LRMDA: variants seen among roughly 807,000 people sequenced by gnomAD.
The protein encoded by LRMDA is leucine-rich melanocyte differentiation-associated protein.
Under a neutral mutation model 29.8 loss-of-function variants are expected in LRMDA, and 18 were observed. The ratio of observed to expected loss-of-function variants is 0.60; its 90% CI spans 0.42 to 0.90. The LOEUF is 0.90. Among genes scored for constraint, LRMDA ranks in the 40% least tolerant of loss-of-function variants. The pLI is 0.00. For synonymous variants in LRMDA, 125 were observed against 109.4 expected, an observed-to-expected ratio of 1.14 and a Z score of -0.89; for missense variants, 273 against 273.9, an observed-to-expected ratio of 1.00 and a Z score of 0.02.
chr10:76,211,001 A>C (rs1210097264), intron 5 of LRMDA, among the ~76,000 whole-genome samples: 1 of 152,220 alleles, frequency 6.6e-6, no homozygotes, highest in Non-Finnish European at 1.5e-5. Context: ...ACCCACTCAC[A>C]GACAGTCTCC....
At chr10:75,500,764 C>T (rs1373567134) in intron 2 of LRMDA, among the ~76,000 whole-genome samples, 1 of 152,100 alleles carries the variant, frequency 6.6e-6, no homozygotes, top group East Asian at 1.9e-4. Context: ...ATAAAACTGT[C>T]AGATCTTGTG....
chr10:76,061,242 GC>G (rs1415324613), intron 5 of LRMDA, among the ~76,000 whole-genome samples: 11 of 152,250 alleles, frequency 7.2e-5, no homozygotes, highest in African/African-American at 2.4e-4. Context: ...GGAGCTGGAG[GC>G]CATTATTCTT....
At chr10:75,770,322 T>C (rs1213330591) in intron 2 of LRMDA, among the ~76,000 whole-genome samples, 1 of 152,132 alleles carries the variant, frequency 6.6e-6, no homozygotes, top group African/African-American at 2.4e-5. Flanking sequence ...AACTTACAGT[T>C]GAAAAAGTTT....
Position 75,809,887 on chromosome 10 carries a change from A to C in LRMDA, c.132-226121A>C, listed in dbSNP as rs140777258. On this transcript the variant is annotated intron_variant, in intron 2 of 6. Transcript: ENST00000611255. ...AGTCCAATGCTAAATGAAAATGCAG[A>C]GGTCCTTGTTTAAAAGTTATTGAGA... 5.8e-3 allele frequency among the ~76,000 whole-genome samples: 890 copies of C among 152,306 alleles called. 12 individuals carry two copies. The highest frequency in any genetic ancestry group is 0.02 in the African/African-American group (833 of 41,578).
At chr10:75,883,227 G>A (rs1242366423) in intron 2 of LRMDA, 1 of 152,316 alleles carries the variant, frequency 6.6e-6, no homozygotes, top group Non-Finnish European at 1.5e-5. Context: ...GAGTTCAGGT[G>A]CTATGTTCCT....
chr10:76,074,139 G>A (rs1848919614), intron 5 of LRMDA, among the ~76,000 whole-genome samples: 1 of 152,200 alleles, frequency 6.6e-6, no homozygotes, highest in Non-Finnish European at 1.5e-5. Flanking sequence ...ACACTTCTCA[G>A]GGGTTATACT....
intron 2 of LRMDA, among the ~76,000 whole-genome samples, chr10:75,536,710 G>C (rs1564795079): frequency 6.6e-6 from 1 of 152,136 alleles, no homozygotes; most frequent in African/African-American, 2.4e-5. Flanking sequence ...TAAATTAGTA[G>C]TAGCTGGGGA....
chr10:75,820,946 A>C (rs906245429), intron 2 of LRMDA, among the ~76,000 whole-genome samples: 5 of 152,192 alleles, frequency 3.3e-5, no homozygotes, highest in Non-Finnish European at 4.4e-5. Context: ...ACAACCTCCC[A>C]AGGTTGAACC....
At chr10:75,541,555 C>G (rs1270863081) in intron 2 of LRMDA, among the ~76,000 whole-genome samples, 2 of 151,966 alleles carry the variant, frequency 1.3e-5, no homozygotes, top group African/African-American at 4.8e-5. Flanking sequence ...CAGTAGGGAG[C>G]CCTGAGAAAT....
At chr10:75,591,874 G>A (rs1046425512) in intron 2 of LRMDA, among the ~76,000 whole-genome samples, 16 of 152,150 alleles carry the variant, frequency 1.1e-4, no homozygotes, top group Non-Finnish European at 2.9e-5. Flanking sequence ...GAGGAGAGGG[G>A]TGAAAAACGT....
intron 2 of LRMDA, among the ~76,000 whole-genome samples, chr10:75,690,258 A>G (rs745805242): frequency 5.3e-5 from 8 of 152,176 alleles, no homozygotes; most frequent in Non-Finnish European, 1.0e-4. Context: ...TCTCAGTGTG[A>G]CACAACTAGT....
intron 2 of LRMDA, among the ~76,000 whole-genome samples, chr10:75,529,444 C>T (rs1225979715): frequency 6.6e-6 from 1 of 152,204 alleles, no homozygotes; most frequent in Non-Finnish European, 1.5e-5. Flanking sequence ...TCTTAGGTAA[C>T]TACTGGAGGA....
chr10:76,191,389 G>A lies in LRMDA; in HGVS notation c.516+132606G>A, dbSNP rs1009936759. Among the ~76,000 whole-genome samples the A allele has an allele frequency of 5.3e-5, 8 of 152,216 alleles. No homozygotes were observed. The East Asian group carries it at 5.8e-4, about 11-fold the overall frequency. The stretch of plus-strand genomic sequence containing the variant: ...CCAAATCTGAAGCTTTGAAATGAGC[G>A]GCTATTTACTCAATTTAACTGCAGG... On this transcript the variant is annotated intron_variant, in intron 5 of 6. Transcript: ENST00000611255.
At chr10:76,173,296 T>C (rs1850871199) in intron 5 of LRMDA, among the ~76,000 whole-genome samples, 1 of 152,112 alleles carries the variant, frequency 6.6e-6, no homozygotes, top group Admixed American at 6.5e-5. Flanking sequence ...ATGGATATGT[T>C]TGTAATTAGA....
intron 5 of LRMDA, among the ~76,000 whole-genome samples, chr10:76,212,379 G>A (rs1167600536): frequency 6.6e-6 from 1 of 151,884 alleles, no homozygotes; most frequent in Non-Finnish European, 1.5e-5. Context: ...AGTAGAAACA[G>A]CTAAGTTGTT....
At chr10:75,525,592 C>CTTTTTTTTTTTTTTTTTTTTTTT (rs11415547) in intron 2 of LRMDA, among the ~76,000 whole-genome samples, 2 of 129,714 alleles carry the variant, frequency 1.5e-5, no homozygotes, top group Non-Finnish European at 3.2e-5. Flanking sequence ...TTCTTTCTTT[C>CTTTTTTTTTTTTTTTTTTTTTTT]TTTTTTTTTT....
At chr10:75,809,293 G>A (rs1361063218) in intron 2 of LRMDA, among the ~76,000 whole-genome samples, 1 of 152,168 alleles carries the variant, frequency 6.6e-6, no homozygotes, top group African/African-American at 2.4e-5. Flanking sequence ...CATTTATTCA[G>A]CCTGCTTTTA....
intron 2 of LRMDA, among the ~76,000 whole-genome samples, chr10:75,873,097 T>C (rs1287841156): frequency 6.6e-6 from 1 of 152,116 alleles, no homozygotes; most frequent in Non-Finnish European, 1.5e-5. Context: ...AGTTTCATTT[T>C]GGTAATGGAA....
chr10:75,619,844 C>A (rs567565755), intron 2 of LRMDA, among the ~76,000 whole-genome samples: 1 of 152,174 alleles, frequency 6.6e-6, no homozygotes, highest in African/African-American at 2.4e-5. Context: ...CCCTTGTGTG[C>A]AAATTGCTTA....
Sources: gnomAD v4.1 joint callset for allele counts (sites outside exome capture counted in the v4.1 genomes callset) on GRCh38, gnomAD v4.1.1 for gene constraint, MANE v1.5 for transcripts, NCBI Gene and HGNC (gene_info 2026-07-23, HGNC 2026-07-21) for gene names.